CNTNAP5: variants seen among roughly 807,000 people sequenced by gnomAD.
CNTNAP5 encodes contactin associated protein family member 5.
CNTNAP5 carries 72 observed loss-of-function variants against 150.2 expected under a neutral mutation model. The observed-to-expected ratio is 0.48, with a 90% CI of 0.40 to 0.58. CNTNAP5 has a LOEUF of 0.58. Ranked by LOEUF, CNTNAP5 falls within the 20% of genes least tolerant of loss-of-function variation. CNTNAP5 has a pLI of 0.00. For missense variants in CNTNAP5, 1,636 were observed against 1,626.2 expected (o/e 1.01, Z -0.10); for synonymous variants, 672 against 619.8 (o/e 1.08, Z -1.25).
At chr2:124,578,823 A>G (rs1372703483) in intron 11 of CNTNAP5, among the ~76,000 whole-genome samples, 3 of 152,150 alleles carry the variant, frequency 2.0e-5, no homozygotes, top group Non-Finnish European at 4.4e-5. Context: ...ATGAGACAAC[A>G]GCATCTTTGA....
chr2:124,886,522 C>G (rs1220686098), intron 21 of CNTNAP5, among the ~76,000 whole-genome samples: 2 of 152,056 alleles, frequency 1.3e-5, no homozygotes, highest in African/African-American at 2.4e-5. Flanking sequence ...ATTCTGATGT[C>G]AAATCTGACC....
At chr2:124,217,566 G>T (rs894010205) in intron 1 of CNTNAP5, among the ~76,000 whole-genome samples, 3 of 152,158 alleles carry the variant, frequency 2.0e-5, no homozygotes, top group Admixed American at 6.6e-5. Context: ...TCATCTTTAT[G>T]CAGGCTCGTG....
intron 3 of CNTNAP5, among the ~76,000 whole-genome samples, chr2:124,357,305 C>G (rs541703941): frequency 3.6e-4 from 55 of 152,154 alleles, no homozygotes; most frequent in Middle Eastern, 3.4e-3. Context: ...AAGCTCTTTA[C>G]TTTAATTAGA....
intron 3 of CNTNAP5, among the ~76,000 whole-genome samples, chr2:124,340,885 TACATATATATATATAGACACACACAC>T (rs1689597130): frequency 6.8e-6 from 1 of 146,788 alleles, no homozygotes; most frequent in South Asian, 2.1e-4. Flanking sequence ...CATATATATA[TACATATATATATATAGACACACACAC>T]ATATATATAT....
intron 13 of CNTNAP5, among the ~76,000 whole-genome samples, chr2:124,731,080 G>A (rs1446639153): frequency 2.0e-5 from 3 of 152,008 alleles, no homozygotes; most frequent in Non-Finnish European, 2.9e-5. Context: ...GGGTGTGATC[G>A]CTGGGCTCCA....
intron 8 of CNTNAP5, among the ~76,000 whole-genome samples, chr2:124,516,256 T>C (rs1694715039): frequency 6.6e-6 from 1 of 152,180 alleles, no homozygotes; most frequent in Admixed American, 6.5e-5. Flanking sequence ...ATTTTCAGAC[T>C]TCCTTATTCA....
chr2:124,512,121 G>A (rs1408820599), intron 8 of CNTNAP5, among the ~76,000 whole-genome samples: 1 of 151,858 alleles, frequency 6.6e-6, no homozygotes, highest in Non-Finnish European at 1.5e-5. Context: ...GTCTTTGGCT[G>A]TGGGACCGGC....
chr2:124,677,930 TC>T (rs1251696929), intron 13 of CNTNAP5, among the ~76,000 whole-genome samples: 4 of 151,914 alleles, frequency 2.6e-5, no homozygotes, highest in African/African-American at 9.7e-5. Context: ...AAAAGTACAC[TC>T]CAAGAGAGGA....
At chr2:124,913,612 G>C (rs185010622) in intron 23 of CNTNAP5, among the ~76,000 whole-genome samples, 1 of 152,006 alleles carries the variant, frequency 6.6e-6, no homozygotes, top group Non-Finnish European at 1.5e-5. Flanking sequence ...CAAAACAAAC[G>C]TAACATAAAA....
At chr2:124,896,439 G>C (rs1205274277) in intron 21 of CNTNAP5, among the ~76,000 whole-genome samples, 3 of 151,548 alleles carry the variant, frequency 2.0e-5, no homozygotes, top group Non-Finnish European at 2.9e-5. Context: ...TCTTGAAAAG[G>C]ACAGCCTTTC....
chr2:124,450,712 G>GCTTTAGAAAAAAAGATATATTTAGGAT (rs1692947680), intron 6 of CNTNAP5, among the ~76,000 whole-genome samples: 8 of 151,878 alleles, frequency 5.3e-5, no homozygotes, highest in Non-Finnish European at 1.5e-5. Context: ...GAGCAGAAGG[G>GCTTTAGAAAAAAAGATATATTTAGGAT]CTTTAGAAAA....
intron 19 of CNTNAP5, among the ~76,000 whole-genome samples, chr2:124,848,633 C>T (rs953598646): frequency 1.2e-4 from 19 of 152,112 alleles, no homozygotes; most frequent in African/African-American, 3.4e-4. Flanking sequence ...TACAAGGGTT[C>T]GCTTTTCTCC....
intron 3 of CNTNAP5, among the ~76,000 whole-genome samples, chr2:124,384,069 T>G (rs1690869176): frequency 1.3e-5 from 2 of 152,222 alleles, no homozygotes; most frequent in Non-Finnish European, 2.9e-5. Flanking sequence ...TTATTGAGTT[T>G]GCAGATGTAT....
intron 1 of CNTNAP5, among the ~76,000 whole-genome samples, chr2:124,207,102 A>G (rs1380349809): frequency 1.3e-5 from 2 of 152,224 alleles, no homozygotes; most frequent in African/African-American, 4.8e-5. Flanking sequence ...AGAAACGAGA[A>G]TCCCTTCCTA....
intron 1 of CNTNAP5, among the ~76,000 whole-genome samples, chr2:124,100,178 A>T (rs1256412054): frequency 6.6e-6 from 1 of 152,144 alleles, no homozygotes; most frequent in Non-Finnish European, 1.5e-5. Flanking sequence ...AAGCAGGGAT[A>T]CGAGGGGCGG....
chr2:124,163,288 A>G (rs1439142), intron 1 of CNTNAP5, among the ~76,000 whole-genome samples: 35,783 of 152,080 alleles, frequency 0.24, 4,342 homozygotes, highest in African/African-American at 0.26. Context: ...CAACATTGCA[A>G]TGAGGAAGGT....
intron 22 of CNTNAP5, among the ~76,000 whole-genome samples, chr2:124,905,755 A>C (rs1343496423): frequency 1.3e-5 from 2 of 152,140 alleles, no homozygotes; most frequent in Non-Finnish European, 2.9e-5. Context: ...GCTGTGTTGC[A>C]GCTTCCATGG....
intron 19 of CNTNAP5, among the ~76,000 whole-genome samples, chr2:124,810,913 G>A (rs1682202488): frequency 6.6e-6 from 1 of 152,056 alleles, no homozygotes; most frequent in Non-Finnish European, 1.5e-5. Flanking sequence ...AACCAGGATA[G>A]CCCCCCGATG....
At chr2:124,551,177 A>G (rs1695619885) in intron 10 of CNTNAP5, among the ~76,000 whole-genome samples, 1 of 152,084 alleles carries the variant, frequency 6.6e-6, no homozygotes, top group Non-Finnish European at 1.5e-5. Flanking sequence ...ACTGACGTGC[A>G]TTGCAAACTC....
Sources: gnomAD v4.1 joint callset for allele counts (sites outside exome capture counted in the v4.1 genomes callset) on GRCh38, gnomAD v4.1.1 for gene constraint, MANE v1.5 for transcripts, NCBI Gene and HGNC (gene_info 2026-07-23, HGNC 2026-07-21) for gene names.